The following GNAQ variants were observed in gnomAD, a reference collection of about 807,000 sequenced individuals.
GNAQ encodes the protein G protein subunit alpha q.
Under a neutral mutation model 43.9 loss-of-function variants are expected in GNAQ, and 8 were observed. That is an observed-to-expected ratio of 0.18 (90% CI 0.11 to 0.33). GNAQ has a LOEUF of 0.33. GNAQ is among the 10% of genes least tolerant of loss of function. The pLI is 1.00. For missense variants in GNAQ, 158 were observed against 450.8 expected, an observed-to-expected ratio of 0.35 and a Z score of 5.88; for synonymous variants, 155 against 170.7, an observed-to-expected ratio of 0.91 and a Z score of 0.71.
intron 2 of GNAQ, among the ~76,000 whole-genome samples, chr9:77,873,047 G>GA (rs1457257019): frequency 1.3e-5 from 2 of 152,224 alleles, no homozygotes; most frequent in Non-Finnish European, 2.9e-5. Flanking sequence ...GCTGGAAAGA[G>GA]AATGTATTGG....
At chr9:77,967,545 G>A (rs1013855202) in intron 1 of GNAQ, among the ~76,000 whole-genome samples, 12 of 152,080 alleles carry the variant, frequency 7.9e-5, no homozygotes, top group Non-Finnish European at 1.3e-4. Context: ...AAATATCATG[G>A]TGACTCAAGG....
chr9:77,855,364 A>G (rs1029885628), intron 2 of GNAQ, among the ~76,000 whole-genome samples: 3 of 152,182 alleles, frequency 2.0e-5, no homozygotes, highest in Non-Finnish European at 2.9e-5. Context: ...TAAAAAATAA[A>G]AATCAATAAA....
At chr9:78,012,756 G>A (rs2118584592) in intron 1 of GNAQ, among the ~76,000 whole-genome samples, 1 of 152,154 alleles carries the variant, frequency 6.6e-6, no homozygotes, top group Non-Finnish European at 1.5e-5. Context: ...AAGGAAAACA[G>A]AATAAGTGAT....
At chr9:78,008,094 A>T (rs1823728771) in intron 1 of GNAQ, among the ~76,000 whole-genome samples, 1 of 152,246 alleles carries the variant, frequency 6.6e-6, no homozygotes, top group Non-Finnish European at 1.5e-5. Context: ...TTTAGTGACA[A>T]CACTGCTTAC....
chr9:77,765,318 G>A (rs1210212630), intron 5 of GNAQ, among the ~76,000 whole-genome samples: 2 of 152,036 alleles, frequency 1.3e-5, no homozygotes, highest in African/African-American at 2.4e-5. Flanking sequence ...ATTTAAAAAC[G>A]GATATCACCT....
chr9:77,901,860 G>T (rs764411200), intron 2 of GNAQ, among the ~76,000 whole-genome samples: 1 of 152,222 alleles, frequency 6.6e-6, no homozygotes, highest in Non-Finnish European at 1.5e-5. Flanking sequence ...TCTGCTGAGA[G>T]CCAGTTTCTT....
chr9:78,030,987 A>T lies in GNAQ; in HGVS notation c.136+113T>A. The T allele has an allele frequency of 5.9e-6, 4 of 673,824 alleles. No individual in the cohort carries two copies. The South Asian group carries it at 1.9e-4, about 32-fold the overall frequency. 41.7% of individuals were successfully genotyped at this position (673,824 alleles called of 1,614,324 possible). On this transcript the variant is annotated intron_variant, in intron 1 of 6. Transcript: ENST00000286548. ...TGGCCGGGGGCGCGCCCGGGAGGGT[A>T]GGGGCGAACCGCGGGCGCCGGGGGG...
intron 5 of GNAQ, among the ~76,000 whole-genome samples, chr9:77,751,606 G>C (rs1825812244): frequency 1.3e-5 from 2 of 152,246 alleles, no homozygotes; most frequent in Non-Finnish European, 2.9e-5. Flanking sequence ...CAGAGACGTG[G>C]AAAGAGCTAC....
At chr9:77,754,134 TTC>T (rs1433481859) in intron 5 of GNAQ, among the ~76,000 whole-genome samples, 1 of 152,216 alleles carries the variant, frequency 6.6e-6, no homozygotes, top group Admixed American at 6.5e-5. Context: ...TCTCTGCTGC[TTC>T]TGTTAGGCAT....
intron 2 of GNAQ, among the ~76,000 whole-genome samples, chr9:77,840,022 G>A (rs1827460682): frequency 6.6e-6 from 1 of 152,142 alleles, no homozygotes; most frequent in Non-Finnish European, 1.5e-5. Context: ...ATGACTCAGT[G>A]ATTCATCTTT....
chr9:78,028,686 T>C (rs1187378143), intron 1 of GNAQ, among the ~76,000 whole-genome samples: 6 of 152,218 alleles, frequency 3.9e-5, no homozygotes, highest in Admixed American at 2.6e-4. Flanking sequence ...CTCCTCTAGA[T>C]AGGTTTGTTT....
At chr9:77,854,010 T>A (rs980183203) in intron 2 of GNAQ, among the ~76,000 whole-genome samples, 1 of 152,094 alleles carries the variant, frequency 6.6e-6, no homozygotes, top group Non-Finnish European at 1.5e-5. Flanking sequence ...CTATTTTTGA[T>A]CCTAAGTTGG....
chr9:77,850,429 C>T (rs974368987), intron 2 of GNAQ, among the ~76,000 whole-genome samples: 1 of 152,168 alleles, frequency 6.6e-6, no homozygotes, highest in Admixed American at 6.5e-5. Flanking sequence ...TCATTCTCTC[C>T]TGCTCGGGCC....
chr9:77,913,608 C>T (rs565239685), intron 2 of GNAQ, among the ~76,000 whole-genome samples: 1 of 152,204 alleles, frequency 6.6e-6, no homozygotes, highest in South Asian at 2.1e-4. Flanking sequence ...TGGGTGAATT[C>T]CACAAACACA....
chr9:77,812,858 G>C (rs890418938), intron 3 of GNAQ, among the ~76,000 whole-genome samples: 1 of 151,794 alleles, frequency 6.6e-6, no homozygotes. Flanking sequence ...TTTAGGTGAC[G>C]TATGTCTACA....
chr9:77,757,408 A>G (rs1199402895), intron 5 of GNAQ, among the ~76,000 whole-genome samples: 1 of 152,120 alleles, frequency 6.6e-6, no homozygotes, highest in Non-Finnish European at 1.5e-5. Context: ...AAATCTCCAC[A>G]TGTATTTCCA....
chr9:77,729,109 A>C lies in GNAQ; in HGVS notation c.736-442T>G, dbSNP rs528367158. On this transcript the variant is annotated intron_variant, in intron 5 of 6. Transcript: ENST00000286548. ...CCTCACAATTAACTCTATTCTAAGC[A>C]ATCAAAACAGTTACTTCTTTGTCAA... Among the ~76,000 whole-genome samples the C allele has an allele frequency of 7.9e-5, 12 of 152,344 alleles. 1 individual carries two copies. The South Asian group carries it at 1.2e-3, about 16-fold the overall frequency.
intron 4 of GNAQ, among the ~76,000 whole-genome samples, chr9:77,795,124 G>A (rs556439888): frequency 6.6e-6 from 1 of 152,218 alleles, no homozygotes; most frequent in African/African-American, 2.4e-5. Flanking sequence ...TTATCAGCAG[G>A]GTCGGCATGT....
rs554783626 is a variant in GNAQ, at chr9:77,904,317, C to CTT, written c.321+17842_321+17843dup. On this transcript the variant is annotated intron_variant, in intron 2 of 6. Coordinates refer to ENST00000286548, the MANE Select transcript of GNAQ (RefSeq NM_002072.5). ...TGGAGTTAACAGAAGTTCACACCGG[C>CTT]TTTTTTTTTTTTTTTTTTTTTTTTT... Among the ~76,000 whole-genome samples the CTT allele has an allele frequency of 2.8e-3, 216 of 77,424 alleles. 28 individuals carry two copies. Among genetic ancestry groups the CTT allele is most frequent in the African/African-American group, 5.7e-3 (100 of 17,644 alleles). 50.8% of individuals were successfully genotyped at this position (77,424 alleles called of 152,430 possible).
Sources: allele counts gnomAD v4.1 joint callset (sites outside exome capture counted in the v4.1 genomes callset), GRCh38; gene constraint gnomAD v4.1.1; transcripts MANE v1.5; gene names NCBI Gene and HGNC (gene_info 2026-07-23, HGNC 2026-07-21).